CELF4: variants seen among roughly 807,000 people sequenced by gnomAD.
The protein encoded by CELF4 is CUG-BP- and ETR-3-like factor 4.
In CELF4, 18 loss-of-function variants were observed where a neutral mutation model predicts 59.9. The observed-to-expected ratio is 0.30, with a 90% confidence interval of 0.21 to 0.45. CELF4 has a LOEUF of 0.45. Ranked by LOEUF, CELF4 falls within the 20% of genes least tolerant of loss-of-function variation. The probability of loss-of-function intolerance (pLI) is 1.00; values close to 1 mark genes in which losing one functional copy is unlikely to be tolerated. For missense variants in CELF4, 456 were observed against 689.0 expected (o/e 0.66, Z 3.79); for synonymous variants, 261 against 267.1 (o/e 0.98, Z 0.22).
chr18:37,398,189 T>C (rs2099269660), intron 2 of CELF4, among the ~76,000 whole-genome samples: 1 of 152,056 alleles, frequency 6.6e-6, no homozygotes, highest in African/African-American at 2.4e-5. Context: ...TGTGACCCCT[T>C]CCCCCATTCC....
chr18:37,458,424 G>A (rs879743008), intron 2 of CELF4, among the ~76,000 whole-genome samples: 15 of 152,198 alleles, frequency 9.9e-5, no homozygotes, highest in Non-Finnish European at 1.9e-4. Context: ...CTGAAGAGAG[G>A]GCTCCATTAT....
chr18:37,320,901 T>C (rs1003940374), intron 3 of CELF4, among the ~76,000 whole-genome samples: 2 of 151,986 alleles, frequency 1.3e-5, no homozygotes, highest in Non-Finnish European at 2.9e-5. Context: ...ACTGGGGCAG[T>C]TTGTTGCAGG....
At chr18:37,398,553 G>A (rs998810393) in intron 2 of CELF4, among the ~76,000 whole-genome samples, 11 of 152,248 alleles carry the variant, frequency 7.2e-5, no homozygotes, top group East Asian at 1.9e-4. Context: ...CCACTGGCCC[G>A]TCAAAGGGGC....
chr18:37,424,806 A>G (rs1603638353), intron 2 of CELF4, among the ~76,000 whole-genome samples: 1 of 151,574 alleles, frequency 6.6e-6, no homozygotes, highest in African/African-American at 2.4e-5. Flanking sequence ...GAGTAGTCCA[A>G]CCTCCCCATC....
intron 1 of CELF4, 73 bp from the exon 2 acceptor site, chr18:37,485,680 C>A: frequency 1.0e-6 from 1 of 986,896 alleles, no homozygotes; most frequent in Non-Finnish European, 1.4e-6. Flanking sequence ...CTGCCGCCCG[C>A]CCTCCAGGCT....
intron 2 of CELF4, among the ~76,000 whole-genome samples, chr18:37,436,264 A>T (rs2099691979): frequency 6.6e-6 from 1 of 152,104 alleles, no homozygotes; most frequent in African/African-American, 2.4e-5. Flanking sequence ...GGTAACCACG[A>T]ACTCGGGAGC....
intron 2 of CELF4, among the ~76,000 whole-genome samples, chr18:37,381,678 G>A (rs536042877): frequency 3.5e-4 from 53 of 152,124 alleles, no homozygotes; most frequent in Non-Finnish European, 6.5e-4. Context: ...TTTTTAGACT[G>A]TGATTGAAGG....
intron 2 of CELF4, among the ~76,000 whole-genome samples, chr18:37,330,004 G>C (rs901454650): frequency 2.0e-5 from 3 of 152,182 alleles, no homozygotes; most frequent in Admixed American, 6.5e-5. Flanking sequence ...AAGATCATCA[G>C]TCCATTTTTT....
intron 1 of CELF4, among the ~76,000 whole-genome samples, chr18:37,561,267 GTT>G (rs1196964368): frequency 6.6e-6 from 1 of 152,174 alleles, no homozygotes; most frequent in East Asian, 1.9e-4. Flanking sequence ...GCACAGATCT[GTT>G]CTGACTGGAT....
At chr18:37,390,242 G>A (rs542209980) in intron 2 of CELF4, among the ~76,000 whole-genome samples, 6 of 152,286 alleles carry the variant, frequency 3.9e-5, no homozygotes, top group East Asian at 3.9e-4. Flanking sequence ...GCTGCGTGTC[G>A]TGTCAGTTTC....
intron 2 of CELF4, among the ~76,000 whole-genome samples, chr18:37,460,498 A>G (rs909232470): frequency 2.0e-5 from 3 of 152,204 alleles, no homozygotes; most frequent in African/African-American, 7.2e-5. Context: ...CTTGTGGAAC[A>G]CAGAATGGTC....
At chr18:37,452,094 G>T (rs1297442187) in intron 2 of CELF4, among the ~76,000 whole-genome samples, 1 of 152,170 alleles carries the variant, frequency 6.6e-6, no homozygotes, top group African/African-American at 2.4e-5. Context: ...TGGGATGTGG[G>T]GCAAGATTTT....
chr18:37,252,369 C>T (rs991882156), intron 12 of CELF4, among the ~76,000 whole-genome samples: 12 of 151,962 alleles, frequency 7.9e-5, no homozygotes, highest in Non-Finnish European at 1.3e-4. Flanking sequence ...GCTTTGGCCC[C>T]CTACAAGCTA....
rs10654318 is a variant in CELF4 at position 37,423,064 on chromosome 18, G to GCACACACACA, written c.369+62451_369+62460dup. On this transcript the variant is annotated intron_variant, in intron 2 of 12. Transcript: ENST00000420428. ...TACACATAGACACATGCGCGCGCGC[G>GCACACACACA]CACACACACACACACACAGAGACAG... Among the ~76,000 whole-genome samples, 846 of 150,466 alleles carry GCACACACACA rather than the reference G, an allele frequency of 5.6e-3. 8 individuals carry two copies. Among genetic ancestry groups the GCACACACACA allele is most frequent in the East Asian group, 0.028 (141 of 4,990 alleles).
intron 1 of CELF4, among the ~76,000 whole-genome samples, chr18:37,524,728 G>A (rs2099961572): frequency 6.6e-6 from 1 of 152,212 alleles, no homozygotes; most frequent in Admixed American, 6.5e-5. Context: ...CGCGGAGGGA[G>A]CGGCCCACAG....
rs371079394 is a variant in CELF4 at position 37,384,142 on chromosome 18, G to T, written c.370-62261C>A. On this transcript the variant is annotated intron_variant, in intron 2 of 12. Transcript: ENST00000420428. ...ACATGGATTGATTGATTGACGAGAG[G>T]AAGTCGTACAGGTTGGCTAGTGGGA... Among the ~76,000 whole-genome samples, 9 of 152,250 alleles carry T rather than the reference G, an allele frequency of 5.9e-5. 1 individual carries two copies. The highest frequency in any genetic ancestry group is 2.2e-4 in the African/African-American group (9 of 41,548).
At chr18:37,305,098 T>A (rs186910391) in intron 3 of CELF4, among the ~76,000 whole-genome samples, 1 of 152,036 alleles carries the variant, frequency 6.6e-6, no homozygotes, top group Non-Finnish European at 1.5e-5. Flanking sequence ...CTGGGAGAAG[T>A]GCAACACTGG....
intron 3 of CELF4, among the ~76,000 whole-genome samples, chr18:37,308,783 G>A (rs1038013459): frequency 1.3e-5 from 2 of 152,036 alleles, no homozygotes; most frequent in East Asian, 1.9e-4. Flanking sequence ...TAAGGGTCCC[G>A]GCTGACCTCT....
At chr18:37,401,216 C>T (rs190643315) in intron 2 of CELF4, among the ~76,000 whole-genome samples, 116 of 152,308 alleles carry the variant, frequency 7.6e-4, no homozygotes, top group Admixed American at 1.2e-3. Flanking sequence ...AAGAAAGCGA[C>T]GGACATGGAG....
Sources: allele counts gnomAD v4.1 joint callset (sites outside exome capture counted in the v4.1 genomes callset), GRCh38; gene constraint gnomAD v4.1.1; transcripts MANE v1.5; gene names NCBI Gene and HGNC (gene_info 2026-07-23, HGNC 2026-07-21).